Variants in DMD observed in about 807,000 individuals in gnomAD.
DMD encodes the protein dystrophin.
Under a neutral mutation model 330.1 loss-of-function variants are expected in DMD, and 63 were observed. The ratio of observed to expected loss-of-function variants is 0.19; its 90% confidence interval spans 0.16 to 0.24. DMD has a LOEUF of 0.24. Ranked by LOEUF, DMD falls within the 10% of genes least tolerant of loss-of-function variation. The pLI is 1.00. For synonymous variants in DMD, 1,223 were observed against 959.8 expected (o/e 1.27, Z -5.07); for missense variants, 3,344 against 2,684.1 (o/e 1.25, Z -5.43).
chrX:31,193,782 G>A (rs1007396282), intron 67 of DMD, among the ~76,000 whole-genome samples: 2 of 111,061 alleles, frequency 1.8e-5, no homozygotes, highest in Non-Finnish European at 3.8e-5. Flanking sequence ...TCATCTTATC[G>A]TCTTTTGGCC....
At chrX:33,133,513 T>C (rs918466367) in intron 1 of DMD, among the ~76,000 whole-genome samples, 1 of 111,099 alleles carries the variant, frequency 9.0e-6, no homozygotes, top group Non-Finnish European at 1.9e-5. Flanking sequence ...CCCAATAAAG[T>C]ACCTTACAGT....
At chrX:32,819,126 T>C (rs1373184512) in intron 5 of DMD, among the ~76,000 whole-genome samples, 3 of 104,542 alleles carry the variant, frequency 2.9e-5, no homozygotes, top group Non-Finnish European at 3.9e-5. Flanking sequence ...AGCAGAGGAA[T>C]AGAAATGAAG....
chrX:33,066,459 A>AGG (rs1197256467), intron 1 of DMD, among the ~76,000 whole-genome samples: 1 of 76,522 alleles, frequency 1.3e-5, no homozygotes, highest in African/African-American at 7.2e-5. Flanking sequence ...AAAAAAAAAA[A>AGG]AAAAGGAAGG....
intron 55 of DMD, among the ~76,000 whole-genome samples, chrX:31,626,868 A>C (rs190126027): frequency 8.9e-6 from 1 of 112,197 alleles, no homozygotes. Flanking sequence ...CAATCATCTT[A>C]TTATAATGAT....
intron 7 of DMD, among the ~76,000 whole-genome samples, chrX:32,707,985 C>G (rs2064836465): frequency 8.9e-6 from 1 of 111,989 alleles, no homozygotes; most frequent in Non-Finnish European, 1.9e-5. Flanking sequence ...TTGACTTTTT[C>G]TTTCCTCTGC....
chrX:32,739,646 A>C (rs1387922264), intron 7 of DMD, among the ~76,000 whole-genome samples: 1 of 112,029 alleles, frequency 8.9e-6, no homozygotes, highest in Non-Finnish European at 1.9e-5. Context: ...ATAAATTTGG[A>C]AACTTGAGAA....
intron 1 of DMD, among the ~76,000 whole-genome samples, chrX:33,102,166 C>A (rs1167971899): frequency 8.9e-6 from 1 of 111,736 alleles, no homozygotes; most frequent in East Asian, 2.8e-4. Flanking sequence ...AATAGACATT[C>A]TTCTCTTTGA....
chrX:31,264,773 C>T (rs889078501), intron 62 of DMD, among the ~76,000 whole-genome samples: 3 of 112,275 alleles, frequency 2.7e-5, no homozygotes, highest in Non-Finnish European at 5.6e-5. Context: ...CTCTACTGAG[C>T]ACAAGGCTGA....
rs201760249 is a variant in DMD, at chrX:31,421,900, T to TAC, written c.9084+22579_9084+22580dup. Among the ~76,000 whole-genome samples, 837 of 85,154 alleles carry TAC rather than the reference T, an allele frequency of 9.8e-3. 6 individuals carry two copies. Among genetic ancestry groups the TAC allele is most frequent in the Admixed American group, 0.015 (107 of 7,133 alleles). 73.9% of individuals were successfully genotyped at this position (85,154 alleles called of 115,157 possible). A position where few individuals can be genotyped will look rare whatever the true frequency, so the allele number is the denominator to read the frequency against. ...CTCTCTCTCTTTCTATATATATATA[T>TAC]ACACACACACACACATATATATATA... On this transcript the variant is annotated intron_variant, in intron 60 of 78. Transcript: ENST00000357033.
chrX:32,224,642 C>T (rs1235093786), intron 43 of DMD, among the ~76,000 whole-genome samples: 1 of 111,486 alleles, frequency 9.0e-6, no homozygotes, highest in East Asian at 2.8e-4. Flanking sequence ...TGATAGTCTC[C>T]TCATTCAGTT....
intron 44 of DMD, among the ~76,000 whole-genome samples, chrX:32,006,766 C>T (rs1223131246): frequency 1.8e-5 from 2 of 110,042 alleles, no homozygotes; most frequent in Admixed American, 1.9e-4. Context: ...AATCCAAAGA[C>T]TGGTGTCCTT....
rs1210576948 is a variant in DMD at position 32,238,369 on chromosome X, G to A, written c.6291-21306C>T. Reference sequence around the variant, plus strand: ...CTCATTCTTGTGGCTCTTTGCAGGAGGCCTTAGTTTCTCAGCATACGTGCA... The same window carrying A: ...CTCATTCTTGTGGCTCTTTGCAGGAAGCCTTAGTTTCTCAGCATACGTGCA... On this transcript the variant is annotated intron_variant, in intron 43 of 78. Coordinates refer to ENST00000357033, the MANE Select transcript of DMD (RefSeq NM_004006.3). Among the ~76,000 whole-genome samples, 4 of 110,221 alleles carry A rather than the reference G, an allele frequency of 3.6e-5. No individual in the cohort carries two copies. The Admixed American group carries it at 3.9e-4, about 11-fold the overall frequency.
chrX:31,215,061 A>C (rs1192554806), intron 64 of DMD, among the ~76,000 whole-genome samples: 13 of 96,828 alleles, frequency 1.3e-4, no homozygotes, highest in Admixed American at 2.5e-4. Context: ...CCTGCCTCAG[A>C]CTCCCGAGTA....
intron 3 of DMD, among the ~76,000 whole-genome samples, chrX:32,846,985 G>A (rs931858267): frequency 9.1e-6 from 1 of 109,579 alleles, no homozygotes; most frequent in Non-Finnish European, 1.9e-5. Flanking sequence ...CAGCCTGGGC[G>A]ACAGAGTAAG....
intron 11 of DMD, among the ~76,000 whole-genome samples, chrX:32,616,334 GAAGTTACAT>G (rs1273107841): frequency 2.7e-5 from 3 of 110,926 alleles, no homozygotes; most frequent in Non-Finnish European, 5.7e-5. Flanking sequence ...TGAGGGCAGA[GAAGTTACAT>G]AAGTTTTTGG....
chrX:31,406,560 T>C (rs1225950058), intron 60 of DMD, among the ~76,000 whole-genome samples: 3 of 111,286 alleles, frequency 2.7e-5, no homozygotes, highest in Non-Finnish European at 1.9e-5. Context: ...ACAATAATAA[T>C]AATAACAGTA....
chrX:32,421,811 A>G (rs7064732), intron 29 of DMD, among the ~76,000 whole-genome samples: 16,315 of 111,031 alleles, frequency 0.15, 994 homozygotes, highest in African/African-American at 0.21. Flanking sequence ...TAAACTTGTC[A>G]TACCTCAGAT....
chrX:31,748,789 T>C (rs2088096961), intron 51 of DMD, among the ~76,000 whole-genome samples: 1 of 111,776 alleles, frequency 8.9e-6, no homozygotes, highest in Non-Finnish European at 1.9e-5. Context: ...TTACACCCTT[T>C]TATAGACAAG....
chrX:31,773,097 T>C (rs754509003), intron 51 of DMD, among the ~76,000 whole-genome samples: 1 of 112,394 alleles, frequency 8.9e-6, no homozygotes, highest in Non-Finnish European at 1.9e-5. Flanking sequence ...GCCTCACTTC[T>C]TGTTTTTTCA....
Sources: gnomAD v4.1 joint callset for allele counts (sites outside exome capture counted in the v4.1 genomes callset) on GRCh38, gnomAD v4.1.1 for gene constraint, MANE v1.5 for transcripts, NCBI Gene and HGNC (gene_info 2026-07-23, HGNC 2026-07-21) for gene names.